OSGEPL1: variants seen among roughly 807,000 people sequenced by gnomAD.
OSGEPL1 encodes tRNA N6-adenosine threonylcarbamoyltransferase, mitochondrial.
In OSGEPL1, 26 loss-of-function variants were observed where a neutral mutation model predicts 37.2. That is an observed-to-expected ratio of 0.70 (90% CI 0.51 to 0.97). The LOEUF (loss-of-function observed/expected upper bound fraction) is 0.97. Ranked by LOEUF, OSGEPL1 falls within the 50% of genes least tolerant of loss-of-function variation. OSGEPL1 has a pLI of 0.00. For missense variants in OSGEPL1, 404 were observed against 487.0 expected, an observed-to-expected ratio of 0.83 and a Z score of 1.60; for synonymous variants, 140 against 159.9, an observed-to-expected ratio of 0.88 and a Z score of 0.94.
At chr2:189,762,522 G>A in intron 1 of OSGEPL1, 163 bp downstream of exon 1, 1 of 877,850 alleles carries the variant, frequency 1.1e-6, no homozygotes, top group Non-Finnish European at 1.4e-6. Context: ...AGGATTGTAC[G>A]AAGCACTACC....
chr2:189,761,733 T>C, intron 1 of OSGEPL1, 73 bp from the exon 2 acceptor site: 1 of 1,387,918 alleles, frequency 7.2e-7, no homozygotes, highest in South Asian at 1.7e-5. Context: ...ATATATAGTT[T>C]TACAGAATTA....
intron 1 of OSGEPL1, among the ~76,000 whole-genome samples, chr2:189,762,247 C>T (rs1046791003): frequency 7.9e-5 from 12 of 152,202 alleles, no homozygotes; most frequent in Admixed American, 3.3e-4. Context: ...CTTCCCAAAT[C>T]CTTTTCCCCC....
chr2:189,752,611 A>T (rs1328652753), intron 7 of OSGEPL1, 42 bp downstream of exon 7: 1 of 1,598,162 alleles, frequency 6.3e-7, no homozygotes, highest in Non-Finnish European at 8.6e-7. Flanking sequence ...CTTTGTCTTA[A>T]GTAATGTAAC....
intron 8 of OSGEPL1, among the ~76,000 whole-genome samples, chr2:189,749,832 A>G (rs1427230111): frequency 1.3e-5 from 2 of 152,194 alleles, no homozygotes; most frequent in African/African-American, 4.8e-5. Context: ...CTTTGACATG[A>G]CTGATCTAAA....
At chr2:189,754,473 T>C (rs1454932669) in intron 3 of OSGEPL1, 128 bp from the exon 4 acceptor site, 3 of 874,134 alleles carry the variant, frequency 3.4e-6, no homozygotes, top group Non-Finnish European at 3.4e-6. Flanking sequence ...TGCTATACTT[T>C]GGCAAATATA....
chr2:189,758,519 G>A (rs983286400), intron 2 of OSGEPL1, among the ~76,000 whole-genome samples: 8 of 152,148 alleles, frequency 5.3e-5, no homozygotes, highest in African/African-American at 9.7e-5. Flanking sequence ...ATGCTGCCAC[G>A]CTTCCTACAC....
At chr2:189,749,796 C>T (rs2044835259) in intron 8 of OSGEPL1, among the ~76,000 whole-genome samples, 1 of 152,144 alleles carries the variant, frequency 6.6e-6, no homozygotes, top group South Asian at 2.1e-4. Context: ...AGAAAGTCAG[C>T]TTTTGTCTTG....
At chr2:189,759,253 CTTT>C (rs111345865) in intron 2 of OSGEPL1, among the ~76,000 whole-genome samples, 1 of 144,550 alleles carries the variant, frequency 6.9e-6, no homozygotes, top group Admixed American at 6.9e-5. Flanking sequence ...GTTAATTTTC[CTTT>C]TTTTTTTTTT....
chr2:189,751,690 C>A (rs1041272618), intron 7 of OSGEPL1, among the ~76,000 whole-genome samples: 2 of 151,530 alleles, frequency 1.3e-5, no homozygotes, highest in Admixed American at 1.3e-4. Flanking sequence ...GATGATCTGC[C>A]CACCTCAGCC....
chr2:189,750,605 T>C lies in OSGEPL1; in HGVS notation c.1218A>G (p.Lys406=). 1 of 1,592,216 alleles carries C rather than the reference T, an allele frequency of 6.3e-7. No individual in the cohort carries two copies. Among genetic ancestry groups the C allele is most frequent in the Middle Eastern group, 1.7e-4 (1 of 6,034 alleles). Residue 406 remains lysine, a synonymous_variant, in exon 8 of 9, where the codon AAA becomes AAG. Transcript: ENST00000264151. ...ATATCTCCATTTTTAATTGTGGTACTTTTATGGAAGCTTCTCCAACTTCTT... is the reference window on the plus strand; with the variant it reads ...ATATCTCCATTTTTAATTGTGGTACCTTTATGGAAGCTTCTCCAACTTCTT... ...ISKEVGEASI[K]VPQLKMEI
Position 189,754,307 on chromosome 2 carries a change from G to A in OSGEPL1, c.648C>T (p.Cys216=). The part of the protein sequence containing the change: ...RRLSLIKHPE[C]STMSGGKAIE... Reference sequence around the variant, plus strand: ...TGGCTTTCCCACCACTCATGGTGGAGCACTCTGGATGTTTTATTAAAGAAA... The same window carrying A: ...TGGCTTTCCCACCACTCATGGTGGAACACTCTGGATGTTTTATTAAAGAAA... The change falls in exon 4 of 9, where the codon TGC becomes TGT. Residue 216 remains cysteine (C), a synonymous_variant. Coordinates refer to ENST00000264151, the MANE Select transcript of OSGEPL1 (RefSeq NM_022353.3). 6.2e-7 allele frequency: 1 copy of A among 1,613,500 alleles called. No individual in the cohort carries two copies. Among genetic ancestry groups the A allele is most frequent in the East Asian group, 2.2e-5 (1 of 44,860 alleles).
intron 2 of OSGEPL1, among the ~76,000 whole-genome samples, chr2:189,759,342 G>A (rs58760391): frequency 1.5e-3 from 220 of 151,696 alleles, no homozygotes; most frequent in African/African-American, 4.8e-3. Flanking sequence ...TCCGCCTCCC[G>A]GGTTCACGCC....
intron 8 of OSGEPL1, among the ~76,000 whole-genome samples, chr2:189,748,150 A>G (rs1382586622): frequency 1.3e-5 from 2 of 152,210 alleles, no homozygotes; most frequent in Non-Finnish European, 2.9e-5. Flanking sequence ...AGGGCTTTCT[A>G]TGTGCTAGAG....
At chr2:189,762,141 A>G (rs986346881) in intron 1 of OSGEPL1, among the ~76,000 whole-genome samples, 4 of 152,234 alleles carry the variant, frequency 2.6e-5, no homozygotes, top group Non-Finnish European at 5.9e-5. Flanking sequence ...ATAAACACAC[A>G]CACGCCAACT....
upstream of OSGEPL1, chr2:189,763,042 AAG>A: frequency 1.1e-5 from 11 of 985,352 alleles, no homozygotes; most frequent in Non-Finnish European, 1.2e-5. Flanking sequence ...CTACATTAAA[AAG>A]AAATTTTTTT....
At chr2:189,760,523 T>C (rs2106087987) in intron 2 of OSGEPL1, among the ~76,000 whole-genome samples, 1 of 152,302 alleles carries the variant, frequency 6.6e-6, no homozygotes, top group South Asian at 2.1e-4. Context: ...CCCGGCGCGG[T>C]GTCTCACGCC....
intron 2 of OSGEPL1, among the ~76,000 whole-genome samples, chr2:189,759,947 A>AGTG (rs1284034550): frequency 3.3e-5 from 5 of 152,098 alleles, no homozygotes; most frequent in South Asian, 2.1e-4. Flanking sequence ...GAGATTAGGG[A>AGTG]GTGGTGATGA....
At chr2:189,758,396 AGT>A (rs2106051658) in intron 2 of OSGEPL1, among the ~76,000 whole-genome samples, 1 of 151,784 alleles carries the variant, frequency 6.6e-6, no homozygotes, top group South Asian at 2.1e-4. Flanking sequence ...GAAAAAAAAA[AGT>A]GTGTAGCACC....
rs933392424 is a variant in OSGEPL1, at chr2:189,755,663, T to C, written c.222-103A>G. 9.4e-5 allele frequency: 117 copies of C among 1,244,430 alleles called. No homozygotes were observed. The Middle Eastern group carries it at 1.4e-3, about 15-fold the overall frequency. 77.1% of individuals were successfully genotyped at this position (1,244,430 alleles called of 1,614,324 possible). A position where few individuals can be genotyped will look rare whatever the true frequency, so the allele number is the denominator to read the frequency against. ...GTCTTCAAGTTAATCATTATATAGC[T>C]GAGTAAGTCAAGTATTTTCTAATTG... On this transcript the variant is annotated intron_variant, in intron 2 of 8. Coordinates refer to ENST00000264151, the MANE Select transcript of OSGEPL1 (RefSeq NM_022353.3).
Sources: allele counts gnomAD v4.1 joint callset (sites outside exome capture counted in the v4.1 genomes callset), GRCh38; gene constraint gnomAD v4.1.1; transcripts MANE v1.5; gene names NCBI Gene and HGNC (gene_info 2026-07-23, HGNC 2026-07-21).